Variants in DLC1 observed in about 807,000 individuals in gnomAD.
DLC1 encodes rho GTPase-activating protein 7.
A neutral mutation model predicts 140.3 loss-of-function variants in DLC1; 54 were observed. The ratio of observed to expected loss-of-function variants is 0.38; its 90% CI spans 0.31 to 0.48. DLC1 has a LOEUF of 0.48. Among genes scored for constraint, DLC1 ranks in the 20% least tolerant of loss-of-function variants. The probability of loss-of-function intolerance (pLI) is 0.96; values close to 1 mark genes in which losing one functional copy is unlikely to be tolerated. For synonymous variants in DLC1, 986 were observed against 728.1 expected (o/e 1.35, Z -5.70); for missense variants, 2,536 against 1,907.0 (o/e 1.33, Z -6.14).
intron 1 of DLC1, among the ~76,000 whole-genome samples, chr8:13,521,228 A>C (rs995677516): frequency 6.6e-6 from 1 of 152,050 alleles, no homozygotes; most frequent in African/African-American, 2.4e-5. Context: ...AGGGAGGGGA[A>C]CATCACCCAC....
chr8:13,219,910 C>G (rs1463557725), intron 5 of DLC1, among the ~76,000 whole-genome samples: 3 of 152,118 alleles, frequency 2.0e-5, no homozygotes, highest in African/African-American at 7.2e-5. Context: ...CAAGTAAAAA[C>G]AATGCGACAC....
intron 5 of DLC1, among the ~76,000 whole-genome samples, chr8:13,173,446 A>G (rs1825597325): frequency 7.4e-6 from 1 of 134,838 alleles, no homozygotes; most frequent in Non-Finnish European, 1.5e-5. Context: ...ATCTCGGCTC[A>G]CTGCAAACTC....
chr8:13,179,029 C>T (rs1825899897), intron 5 of DLC1, among the ~76,000 whole-genome samples: 1 of 152,084 alleles, frequency 6.6e-6, no homozygotes, highest in Admixed American at 6.6e-5. Flanking sequence ...TACAAATGCC[C>T]ATCAACAATA....
In DLC1 at chr8:13,099,815, C is replaced by T. The variant is rs938179671; in HGVS notation, c.2522G>A (p.Gly841Glu). Residue 841 changes from glycine to glutamate, a missense_variant, in exon 9 of 18, where the codon GGA (glycine) becomes GAA (glutamate). Transcript: ENST00000276297. Reference protein sequence around the residue: ...GNNGSVNWRTGSFHGPGHISL... With the variant: ...GNNGSVNWRTESFHGPGHISL... Reference sequence around the variant, plus strand: ...GATGTGGCCAGGGCCGTGGAAGCTTCCCGTCCTCCAGTTCACAGAGCCGTT... The same window carrying T: ...GATGTGGCCAGGGCCGTGGAAGCTTTCCGTCCTCCAGTTCACAGAGCCGTT... 6.2e-7 allele frequency: 1 copy of T among 1,614,066 alleles called. No homozygotes were observed. Among genetic ancestry groups the T allele is most frequent in the Non-Finnish European group, 8.5e-7 (1 of 1,180,050 alleles).
At chr8:13,179,737 ACAGAAAAAACACCCCAGGAAGCTAATTAC>A (rs969451849) in intron 5 of DLC1, among the ~76,000 whole-genome samples, 12 of 152,098 alleles carry the variant, frequency 7.9e-5, no homozygotes, top group Admixed American at 6.5e-5. Context: ...ACAAAAACAC[ACAGAAAAAACACCCCAGGAAGCTAATTAC>A]CAGAGGCAGA....
At chr8:13,441,932 T>C (rs1798528922) in intron 2 of DLC1, among the ~76,000 whole-genome samples, 1 of 152,208 alleles carries the variant, frequency 6.6e-6, no homozygotes, top group Non-Finnish European at 1.5e-5. Flanking sequence ...GCTGGAGGCA[T>C]CACACTATTT....
At position 13,401,600 on chromosome 8, in the gene DLC1, T is replaced by G. The variant is rs138797224; in HGVS notation, c.1043A>C (p.Asp348Ala). The change falls in exon 3 of 18, where the codon GAT becomes GCT. Residue 348 changes from aspartate to alanine, a missense_variant. Transcript: ENST00000276297. ...RKRKEIREDR[D>A]RARLDSMVLL... ...CACCATGGAGTCCAGCCGCGCCCTA[T>G]CTCGATCTTCTCTTATTTCCTGAGG... is the stretch of plus-strand genomic sequence containing the variant. The G allele has an allele frequency of 1.2e-6, 2 of 1,613,340 alleles. No homozygotes were observed. The highest frequency in any genetic ancestry group is 4.5e-5 in the East Asian group (2 of 44,874).
intron 5 of DLC1, among the ~76,000 whole-genome samples, chr8:13,248,181 G>A (rs1162000370): frequency 4.6e-5 from 7 of 152,138 alleles, no homozygotes; most frequent in Non-Finnish European, 1.0e-4. Flanking sequence ...CTGTTTCTTT[G>A]CTCCCCTTCT....
rs192292900 is a variant in DLC1, at chr8:13,174,130, G to C, written c.1349-58473C>G. On this transcript the variant is annotated intron_variant, in intron 5 of 17. Coordinates refer to ENST00000276297, the MANE Select transcript of DLC1 (RefSeq NM_182643.3). ...CTGTGGTATTTGGTTTTCTGTTCCT[G>C]CATTAATTGGCTTAGGATAATGGCC... Among the ~76,000 whole-genome samples, 405 of 152,226 alleles carry C rather than the reference G, an allele frequency of 2.7e-3. 1 individual carries two copies. Among genetic ancestry groups the C allele is most frequent in the African/African-American group, 9.5e-3 (395 of 41,544 alleles).
intron 5 of DLC1, among the ~76,000 whole-genome samples, chr8:13,284,249 T>TG (rs1421205349): frequency 6.6e-6 from 1 of 152,056 alleles, no homozygotes; most frequent in Non-Finnish European, 1.5e-5. Context: ...GATAACGGCC[T>TG]GGCGCGGTGG....
chr8:13,302,252 C>G (rs185901062), intron 5 of DLC1, among the ~76,000 whole-genome samples: 42 of 152,268 alleles, frequency 2.8e-4, no homozygotes, highest in African/African-American at 9.4e-4. Context: ...GGGATATCCT[C>G]CAACTAGAGT....
At chr8:13,476,470 G>T (rs4831234) in intron 2 of DLC1, among the ~76,000 whole-genome samples, 147,801 of 150,902 alleles carry the variant, frequency 0.98, 72,459 homozygotes, top group East Asian at 1. Context: ...ACAGTGCAGT[G>T]TTTTTTTTTT....
chr8:13,552,727 TA>T (rs1403452874), intron 1 of DLC1, among the ~76,000 whole-genome samples: 2 of 151,854 alleles, frequency 1.3e-5, no homozygotes, highest in East Asian at 3.9e-4. Context: ...GGTTTTGTCA[TA>T]TTTTTTAAAT....
At chr8:13,550,906 G>C (rs1803822865) in intron 1 of DLC1, among the ~76,000 whole-genome samples, 1 of 151,974 alleles carries the variant, frequency 6.6e-6, no homozygotes, top group Non-Finnish European at 1.5e-5. Context: ...ATCATGTATG[G>C]TCAAATAGCC....
rs1390577310 is a variant in DLC1, at chr8:13,099,523, G to T, written c.2814C>A (p.Asp938Glu). Residue 938 changes from aspartate (D) to glutamate (E), a missense_variant, in exon 9 of 18, where the codon GAC becomes GAA. Transcript: ENST00000276297. The part of the protein sequence containing the change: ...SDEGDSDSAL[D>E]SVSPCPSSPK... ...GAGAGGACGGGCAGGGAGAGACCGA[G>T]TCCAGGGCTGAGTCCGAATCTCCCT... 6.2e-7 allele frequency: 1 copy of T among 1,614,040 alleles called. No homozygotes were observed. Among genetic ancestry groups the T allele is most frequent in the African/African-American group, 1.3e-5 (1 of 74,908 alleles).
intron 5 of DLC1, among the ~76,000 whole-genome samples, chr8:13,167,536 T>C (rs753819103): frequency 4.6e-5 from 7 of 152,212 alleles, no homozygotes; most frequent in Non-Finnish European, 1.0e-4. Context: ...AAGCTGCTAT[T>C]TGTGGCTCTT....
chr8:13,083,992 C>A lies in DLC1; in HGVS notation c.*1819G>T, dbSNP rs1197999011. 1.3e-5 allele frequency: 2 copies of A among 152,494 alleles called. No individual in the cohort carries two copies. Among genetic ancestry groups the A allele is most frequent in the Non-Finnish European group, 1.5e-5 (1 of 68,016 alleles). The allele number at this position is 152,494 out of a possible 1,614,324, so 9.4% of individuals were successfully genotyped here. A position where few individuals can be genotyped will look rare whatever the true frequency, so the allele number is the denominator to read the frequency against. On this transcript the variant is annotated 3_prime_UTR_variant, in exon 18 of 18. Coordinates refer to ENST00000276297, the MANE Select transcript of DLC1 (RefSeq NM_182643.3). ...GTACAGATATAGAGCAAGTTATAAA[C>A]CTCTTCCTTTTATTTATTTTCTTCA...
At chr8:13,207,272 C>A (rs1177315961) in intron 5 of DLC1, among the ~76,000 whole-genome samples, 1 of 152,080 alleles carries the variant, frequency 6.6e-6, no homozygotes, top group African/African-American at 2.4e-5. Context: ...TTCAAGACAT[C>A]AAGGCATATA....
chr8:13,348,046 G>GC (rs1183441878), intron 4 of DLC1, among the ~76,000 whole-genome samples: 2 of 152,064 alleles, frequency 1.3e-5, no homozygotes, highest in East Asian at 3.9e-4. Flanking sequence ...CCGAGATCAC[G>GC]CCACTGCACT....
Sources: gnomAD v4.1 joint callset for allele counts (sites outside exome capture counted in the v4.1 genomes callset) on GRCh38, gnomAD v4.1.1 for gene constraint, MANE v1.5 for transcripts, NCBI Gene and HGNC (gene_info 2026-07-23, HGNC 2026-07-21) for gene names.